The following DRICH1 variants were observed in gnomAD, a reference collection of about 807,000 sequenced individuals.
DRICH1 encodes the protein aspartate rich 1, also known as aspartate-rich protein 1.
In DRICH1, 38 loss-of-function variants were observed where a neutral mutation model predicts 39.5. The observed-to-expected ratio is 0.96, with a 90% CI of 0.74 to 1.26. DRICH1 has a LOEUF of 1.26. DRICH1 is among the 50% of genes most tolerant of loss of function. The pLI, the probability that DRICH1 is intolerant of heterozygous loss-of-function variation, is 0.00. For synonymous variants in DRICH1, 84 were observed against 99.5 expected (o/e 0.84, Z 0.93); for missense variants, 279 against 270.4 (o/e 1.03, Z -0.22).
chr22:23,608,764 T>C lies in DRICH1; in HGVS notation c.690A>G (p.Ter230TrpextTer80). 6.4e-7 allele frequency: 1 copy of C among 1,560,408 alleles called. No individual in the cohort carries two copies. The highest frequency in any genetic ancestry group is 1.2e-5 in the South Asian group (1 of 84,722). Reference sequence around the variant, plus strand: ...CCCTGGTCAGCTCCACAGAAGGGCTTCACCCTGGATGAAGAGATAATCCCT... The same window carrying C: ...CCCTGGTCAGCTCCACAGAAGGGCTCCACCCTGGATGAAGAGATAATCCCT... ...SLSDEEIHPG[*>W] Residue 230 changes from the stop codon to tryptophan (W), a stop_lost, in exon 12 of 12, where the codon TGA becomes TGG. Transcript: ENST00000317749.
At chr22:23,587,299 T>TTAC in the DRICH1 span, among the ~76,000 whole-genome samples, 1 of 151,806 alleles carries the variant, frequency 6.6e-6, no homozygotes, top group Non-Finnish European at 1.5e-5. Context: ...AAGGAGGGAG[T>TTAC]TACTGCCTGG....
upstream of DRICH1, chr22:23,632,675 A>AAGG (rs1555910823): frequency 1.4e-5 from 2 of 139,860 alleles, no homozygotes; most frequent in South Asian, 2.3e-4. Context: ...TGGGAGGCTG[A>AAGG]GCGGGGGGGG....
At chr22:23,594,779 T>C in the DRICH1 span, among the ~76,000 whole-genome samples, 135 of 151,878 alleles carry the variant, frequency 8.9e-4, 1 homozygote, top group African/African-American at 2.8e-3. Flanking sequence ...TTCGTTCATC[T>C]CCAAAGCTTG....
chr22:23,608,738 AC>A lies in DRICH1; in HGVS notation c.*25del, dbSNP rs748165472. 1.3e-6 allele frequency: 2 copies of A among 1,557,016 alleles called. No homozygotes were observed. Among genetic ancestry groups the A allele is most frequent in the Non-Finnish European group, 8.7e-7 (1 of 1,149,296 alleles). On this transcript the variant is annotated 3_prime_UTR_variant, in exon 12 of 12. Coordinates refer to ENST00000317749, the MANE Select transcript of DRICH1 (RefSeq NM_016449.4). ...GCGCTGGCCTGCCCTTTGGGTCAGC[AC>A]CCTGGTCAGCTCCACAGAAGGGCTT...
At chr22:23,617,806 A>C in intron 6 of DRICH1, 149 bp from the exon 7 acceptor site, 1 of 722,720 alleles carries the variant, frequency 1.4e-6, no homozygotes, top group Admixed American at 2.4e-5. Flanking sequence ...GGAGGGGAGC[A>C]GGCATGAGGC....
At chr22:23,627,495 G>A (rs1386256150) in intron 1 of DRICH1, among the ~76,000 whole-genome samples, 3 of 152,112 alleles carry the variant, frequency 2.0e-5, no homozygotes, top group Non-Finnish European at 4.4e-5. Context: ...CCCTCCCCTG[G>A]TGTTTTCTTG....
the DRICH1 span, among the ~76,000 whole-genome samples, chr22:23,593,402 GC>G: frequency 1.3e-5 from 2 of 152,290 alleles, no homozygotes; most frequent in South Asian, 4.1e-4. Flanking sequence ...GGTGGCTCAT[GC>G]CTGTAATCCC....
chr22:23,604,569 G>A (rs117633369), downstream of DRICH1, among the ~76,000 whole-genome samples: 10 of 152,280 alleles, frequency 6.6e-5, no homozygotes, highest in East Asian at 1.5e-3. Flanking sequence ...CCTGGTCTCA[G>A]CCTGGCACCC....
At chr22:23,600,962 G>A in the DRICH1 span, among the ~76,000 whole-genome samples, 1,757 of 152,172 alleles carry the variant, frequency 0.012, 25 homozygotes, top group African/African-American at 0.032. Context: ...GTGAGCCACC[G>A]CACCTGGCCG....
At chr22:23,597,957 T>C in the DRICH1 span, among the ~76,000 whole-genome samples, 1 of 150,730 alleles carries the variant, frequency 6.6e-6, no homozygotes, top group Non-Finnish European at 1.5e-5. Context: ...AGCCTTGGCT[T>C]CTCCTTGCCT....
the DRICH1 span, among the ~76,000 whole-genome samples, chr22:23,594,767 G>C: frequency 3.3e-5 from 5 of 151,932 alleles, no homozygotes. Context: ...TAAAGCAGAG[G>C]CTTCGTTCAT....
the DRICH1 span, among the ~76,000 whole-genome samples, chr22:23,582,554 G>GTTT: frequency 2.5e-5 from 1 of 40,096 alleles, no homozygotes; most frequent in South Asian, 1.2e-3. Context: ...ACCTTCAGGG[G>GTTT]CTTATTATTA....
intron 6 of DRICH1, among the ~76,000 whole-genome samples, chr22:23,619,118 GGAGA>G (rs1927555345): frequency 6.7e-6 from 1 of 149,906 alleles, no homozygotes; most frequent in Non-Finnish European, 1.5e-5. Context: ...GTGGCAGTGA[GGAGA>G]GATCACATCA....
chr22:23,624,937 T>C lies in DRICH1; in HGVS notation c.277-33A>G, dbSNP rs377525325. The stretch of plus-strand genomic sequence containing the variant: ...GAGACAAAAGAAGATGCTATGAGGA[T>C]CAGATCAATTCTGCTGCACCCCCTA... On this transcript the variant is annotated intron_variant, in intron 2 of 11. Coordinates refer to ENST00000317749, the MANE Select transcript of DRICH1 (RefSeq NM_016449.4). 22 of 1,609,756 alleles carry C rather than the reference T, an allele frequency of 1.4e-5. 1 individual carries two copies. In the South Asian group the frequency reaches 2.4e-4, roughly 18 times the overall value.
At chr22:23,586,621 G>T in the DRICH1 span, among the ~76,000 whole-genome samples, 2 of 152,320 alleles carry the variant, frequency 1.3e-5, no homozygotes, top group Middle Eastern at 3.4e-3. Flanking sequence ...TCGGCTCACT[G>T]CAACCTCCTC....
chr22:23,620,574 A>C lies in DRICH1; in HGVS notation c.406+20T>G. 6.2e-7 allele frequency: 1 copy of C among 1,612,184 alleles called. No homozygotes were observed. Among genetic ancestry groups the C allele is most frequent in the Non-Finnish European group, 8.5e-7 (1 of 1,178,224 alleles). The stretch of plus-strand genomic sequence containing the variant: ...CAGCAAGTTTGTTTCTCAGAAAGTG[A>C]GTTAGTTCAAGGTACATACCCTGGA... On this transcript the variant is annotated intron_variant, in intron 5 of 11. Coordinates refer to ENST00000317749, the MANE Select transcript of DRICH1 (RefSeq NM_016449.4).
chr22:23,606,831 TC>T (rs1293728062), downstream of DRICH1, among the ~76,000 whole-genome samples: 2 of 152,134 alleles, frequency 1.3e-5, no homozygotes, highest in African/African-American at 4.8e-5. Context: ...GCCCTCTCAT[TC>T]AACTGCTGAC....
At chr22:23,613,414 GA>G in intron 10 of DRICH1, 84 bp from the exon 11 acceptor site, 7 of 1,175,740 alleles carry the variant, frequency 6.0e-6, no homozygotes, top group Non-Finnish European at 8.9e-6. Context: ...GAAGCTGAGT[GA>G]TGAGCTAGTC....
Position 23,608,538 on chromosome 22 carries a change from A to G in DRICH1, c.*226T>C. 1.9e-6 allele frequency: 1 copy of G among 538,092 alleles called. No individual in the cohort carries two copies. Among genetic ancestry groups the G allele is most frequent in the Non-Finnish European group, 3.3e-6 (1 of 299,126 alleles). The allele number at this position is 538,092 out of a possible 1,614,324, so 33.3% of individuals were successfully genotyped here. On this transcript the variant is annotated 3_prime_UTR_variant, in exon 12 of 12. Transcript: ENST00000317749. ...CACGTCTCTTCTCACTCTCTTGCCA[A>G]AGGAGAAATGCCAGGCCCAGAAGCA... is the stretch of plus-strand genomic sequence containing the variant.
Sources: gnomAD v4.1 joint callset for allele counts (sites outside exome capture counted in the v4.1 genomes callset) on GRCh38, gnomAD v4.1.1 for gene constraint, MANE v1.5 for transcripts, NCBI Gene and HGNC (gene_info 2026-07-23, HGNC 2026-07-21) for gene names.